Variants in EPHB1 observed in about 807,000 individuals in gnomAD.
The protein encoded by EPHB1 is ephrin type-B receptor 1.
EPHB1 carries 30 observed loss-of-function variants against 94.4 expected under a neutral mutation model. The observed-to-expected ratio is 0.32, with a 90% CI of 0.24 to 0.43. The LOEUF is 0.43. Ranked by LOEUF, EPHB1 falls within the 20% of genes least tolerant of loss-of-function variation. The pLI is 1.00. For synonymous variants in EPHB1, 522 were observed against 489.1 expected (o/e 1.07, Z -0.89); for missense variants, 1,055 against 1,308.3 (o/e 0.81, Z 2.99).
At chr3:134,889,221 A>T (rs2037918058) in intron 1 of EPHB1, among the ~76,000 whole-genome samples, 1 of 152,084 alleles carries the variant, frequency 6.6e-6, no homozygotes, top group East Asian at 1.9e-4. Flanking sequence ...GAAGAGATGC[A>T]GGAGGCTCAG....
intron 3 of EPHB1, among the ~76,000 whole-genome samples, chr3:135,105,884 G>C (rs1939196972): frequency 6.6e-6 from 1 of 152,200 alleles, no homozygotes; most frequent in Non-Finnish European, 1.5e-5. Context: ...TAGTTTTAAA[G>C]AATCACTTAT....
At chr3:134,873,766 G>A (rs561253038) in intron 1 of EPHB1, among the ~76,000 whole-genome samples, 2 of 152,354 alleles carry the variant, frequency 1.3e-5, no homozygotes, top group East Asian at 3.9e-4. Context: ...AAGAAGGGAA[G>A]TTGGTATGAG....
chr3:135,231,623 CAT>C (rs1479186380), intron 12 of EPHB1, among the ~76,000 whole-genome samples: 1 of 152,194 alleles, frequency 6.6e-6, no homozygotes, highest in East Asian at 1.9e-4. Flanking sequence ...ATTCAAATCA[CAT>C]ATTTTATTAC....
At chr3:134,999,329 G>C (rs1212364129) in intron 3 of EPHB1, among the ~76,000 whole-genome samples, 1 of 152,334 alleles carries the variant, frequency 6.6e-6, no homozygotes, top group South Asian at 2.1e-4. Flanking sequence ...GAAGGTGATT[G>C]TGACTAGAAA....
chr3:134,952,212 T>C (rs1193147992), intron 3 of EPHB1, among the ~76,000 whole-genome samples, 160 bp downstream of exon 3: 1 of 152,244 alleles, frequency 6.6e-6, no homozygotes, highest in Non-Finnish European at 1.5e-5. Context: ...CTGATGATTT[T>C]CCAATCATGT....
intron 3 of EPHB1, among the ~76,000 whole-genome samples, chr3:134,958,149 C>T (rs1933353682): frequency 6.6e-6 from 1 of 152,148 alleles, no homozygotes; most frequent in African/African-American, 2.4e-5. Flanking sequence ...CCTGGAAACC[C>T]AGGGGACATT....
intron 1 of EPHB1, among the ~76,000 whole-genome samples, chr3:134,800,252 C>G (rs1247908396): frequency 6.6e-6 from 1 of 151,854 alleles, no homozygotes; most frequent in East Asian, 1.9e-4. Context: ...CAAGTAATAC[C>G]CAATATAAGG....
intron 3 of EPHB1, among the ~76,000 whole-genome samples, chr3:134,996,587 T>C (rs1935002799): frequency 1.3e-5 from 2 of 152,196 alleles, no homozygotes; most frequent in South Asian, 2.1e-4. Flanking sequence ...AATGGCTGTT[T>C]AGCAATGCTA....
chr3:135,002,924 A>G (rs886203256), intron 3 of EPHB1, among the ~76,000 whole-genome samples: 1 of 151,808 alleles, frequency 6.6e-6, no homozygotes, highest in African/African-American at 2.4e-5. Flanking sequence ...TGGATTCACT[A>G]ATTTTTTGAA....
rs112656601 is a variant in EPHB1, at chr3:135,208,372, C to G, written c.2346+6683C>G. On this transcript the variant is annotated intron_variant, in intron 12 of 15. Transcript: ENST00000398015. ...CACAGAGAGATGCACACGTGTGGCC[C>G]GAAAGTGATGGATTTGAATTTTAGA... Among the ~76,000 whole-genome samples, 1,174 of 150,968 alleles carry G rather than the reference C, an allele frequency of 7.8e-3. 18 individuals are homozygous for G. The highest frequency in any genetic ancestry group is 0.027 in the African/African-American group (1,099 of 41,072).
At chr3:134,924,698 A>C (rs1392709456) in intron 1 of EPHB1, among the ~76,000 whole-genome samples, 1 of 152,264 alleles carries the variant, frequency 6.6e-6, no homozygotes, top group Non-Finnish European at 1.5e-5. Context: ...CACATCACAC[A>C]AAAGAGTATT....
intron 3 of EPHB1, among the ~76,000 whole-genome samples, chr3:135,006,407 G>A (rs1408155469): frequency 1.3e-5 from 2 of 152,106 alleles, no homozygotes; most frequent in African/African-American, 2.4e-5. Context: ...TGGTGGTGGT[G>A]ATATAATATT....
In EPHB1 at chr3:135,223,691, A is replaced by G. The variant is rs182442057; in HGVS notation, c.2347-17457A>G. Among the ~76,000 whole-genome samples the G allele has an allele frequency of 3.9e-5, 6 of 152,372 alleles. No individual in the cohort carries two copies. In the East Asian group the frequency reaches 5.8e-4, roughly 15 times the overall value. On this transcript the variant is annotated intron_variant, in intron 12 of 15. Coordinates refer to ENST00000398015, the MANE Select transcript of EPHB1 (RefSeq NM_004441.5). ...CCTCATTGGCTTCTCTATAAAAACA[A>G]CTTCAAAAAGAAATGTCATTGTTTG...
In EPHB1 at chr3:135,069,129, C is replaced by G. The variant is rs1297998068; in HGVS notation, c.806-37319C>G. ...TGTCATATCTAAGAAGCCGCATTAC[C>G]TGATCCAAGGTCACAAATATTTATG... On this transcript the variant is annotated intron_variant, in intron 3 of 15. Coordinates refer to ENST00000398015, the MANE Select transcript of EPHB1 (RefSeq NM_004441.5). Among the ~76,000 whole-genome samples, 4 of 151,236 alleles carry G rather than the reference C, an allele frequency of 2.6e-5. No individual in the cohort carries two copies. The East Asian group carries it at 8.0e-4, about 30-fold the overall frequency.
At chr3:134,913,118 C>T (rs1042897829) in intron 1 of EPHB1, among the ~76,000 whole-genome samples, 1 of 152,178 alleles carries the variant, frequency 6.6e-6, no homozygotes, top group Admixed American at 6.5e-5. Context: ...AGCGTCAGTC[C>T]TTGCATCCAT....
chr3:135,211,960 TTATC>T (rs1256421728), intron 12 of EPHB1, among the ~76,000 whole-genome samples: 1 of 152,180 alleles, frequency 6.6e-6, no homozygotes, highest in Non-Finnish European at 1.5e-5. Flanking sequence ...AGGGCTGCAG[TTATC>T]TAGAGGGAGA....
intron 1 of EPHB1, among the ~76,000 whole-genome samples, chr3:134,850,982 C>T (rs1484846612): frequency 1.3e-5 from 2 of 152,244 alleles, no homozygotes; most frequent in Non-Finnish European, 2.9e-5. Flanking sequence ...TGGGCCTTGG[C>T]CAGGGCCTGG....
intron 3 of EPHB1, among the ~76,000 whole-genome samples, chr3:135,056,024 C>T (rs545440949): frequency 6.6e-6 from 1 of 152,324 alleles, no homozygotes; most frequent in South Asian, 2.1e-4. Flanking sequence ...TGACTTCCTC[C>T]ATCTTAGCAC....
At chr3:135,235,938 C>G (rs1393173654) in intron 12 of EPHB1, among the ~76,000 whole-genome samples, 1 of 152,196 alleles carries the variant, frequency 6.6e-6, no homozygotes, top group Non-Finnish European at 1.5e-5. Context: ...CTATCCCTCA[C>G]TCCCAAGTCC....
Sources: allele counts gnomAD v4.1 joint callset (sites outside exome capture counted in the v4.1 genomes callset), GRCh38; gene constraint gnomAD v4.1.1; transcripts MANE v1.5; gene names NCBI Gene and HGNC (gene_info 2026-07-23, HGNC 2026-07-21).